Variants in CCSER1 observed in about 807,000 individuals in gnomAD.
The protein encoded by CCSER1 is coiled-coil serine rich protein 1.
A neutral mutation model predicts 82.0 loss-of-function variants in CCSER1; 41 were observed. That is an observed-to-expected ratio of 0.50 (90% CI 0.39 to 0.65). The LOEUF (loss-of-function observed/expected upper bound fraction) is 0.65, where lower values mean the gene tolerates loss of function less well. Ranked by LOEUF, CCSER1 falls within the 30% of genes least tolerant of loss-of-function variation. The pLI, the probability that CCSER1 is intolerant of heterozygous loss-of-function variation, is 0.00. For missense variants in CCSER1, 1,119 were observed against 1,064.2 expected, an observed-to-expected ratio of 1.05 and a Z score of -0.72; for synonymous variants, 414 against 383.9, an observed-to-expected ratio of 1.08 and a Z score of -0.92.
intron 6 of CCSER1, among the ~76,000 whole-genome samples, chr4:90,658,752 A>C (rs2149084361): frequency 6.6e-6 from 1 of 152,346 alleles, no homozygotes; most frequent in East Asian, 1.9e-4. Flanking sequence ...TGTGCGTGTA[A>C]AGAATCAATA....
chr4:90,181,831 C>A (rs553574305), intron 1 of CCSER1, among the ~76,000 whole-genome samples: 1 of 152,132 alleles, frequency 6.6e-6, no homozygotes, highest in Non-Finnish European at 1.5e-5. Flanking sequence ...GACTGAGGTG[C>A]CTTTATCTGT....
rs1017029245 is a variant in CCSER1 at position 91,257,424 on chromosome 4, C to T, written c.2217+171430C>T. Among the ~76,000 whole-genome samples, 13 of 151,242 alleles carry T rather than the reference C, an allele frequency of 8.6e-5. 1 individual carries two copies. The highest frequency in any genetic ancestry group is 1.5e-4 in the Non-Finnish European group (10 of 67,786). ...ATTTTAATATTCATGGTTTGACTTG[C>T]GTACTCTGTTTAAATTATGTGTATT... On this transcript the variant is annotated intron_variant, in intron 10 of 10. Coordinates refer to ENST00000509176, the MANE Select transcript of CCSER1 (RefSeq NM_001145065.2).
At chr4:90,651,536 T>C (rs1728740103) in intron 6 of CCSER1, among the ~76,000 whole-genome samples, 1 of 151,986 alleles carries the variant, frequency 6.6e-6, no homozygotes, top group Non-Finnish European at 1.5e-5. Flanking sequence ...CCGGGGTCTG[T>C]CAGGTGGTGG....
rs146959272 is a variant in CCSER1, at chr4:90,482,966, G to A, written c.1724+14612G>A. ...TTCATTGATCTGTCTGATGTTGACA[G>A]TGGGGTGTTAAAGTCTCCCATTACT... On this transcript the variant is annotated intron_variant, in intron 5 of 10. Coordinates refer to ENST00000509176, the MANE Select transcript of CCSER1 (RefSeq NM_001145065.2). Among the ~76,000 whole-genome samples the A allele has an allele frequency of 4.4e-3, 664 of 152,300 alleles. 6 individuals carry two copies. The highest frequency in any genetic ancestry group is 0.015 in the African/African-American group (644 of 41,552).
intron 7 of CCSER1, among the ~76,000 whole-genome samples, chr4:90,797,889 C>T (rs1254615124): frequency 1.3e-5 from 2 of 152,192 alleles, no homozygotes; most frequent in Non-Finnish European, 2.9e-5. Context: ...GCCTTTCTCT[C>T]TAGCTCCCTT....
chr4:91,042,473 A>G (rs144231339), intron 9 of CCSER1, among the ~76,000 whole-genome samples: 1 of 152,170 alleles, frequency 6.6e-6, no homozygotes, highest in Non-Finnish European at 1.5e-5. Context: ...TGCTTTTACA[A>G]AGTATTTTTT....
chr4:90,831,093 G>A (rs549724249), intron 8 of CCSER1, among the ~76,000 whole-genome samples: 1 of 152,116 alleles, frequency 6.6e-6, no homozygotes, highest in South Asian at 2.1e-4. Context: ...TATCTCATTA[G>A]CTAACAAGCA....
chr4:91,073,231 T>A (rs561524095), intron 9 of CCSER1, among the ~76,000 whole-genome samples: 4 of 152,112 alleles, frequency 2.6e-5, no homozygotes, highest in Non-Finnish European at 4.4e-5. Context: ...CAAATCATGA[T>A]AAACTCCATA....
intron 7 of CCSER1, among the ~76,000 whole-genome samples, chr4:90,791,544 T>G (rs904115619): frequency 6.6e-6 from 1 of 151,606 alleles, no homozygotes; most frequent in Non-Finnish European, 1.5e-5. Context: ...TAATAACATA[T>G]TTTTAAATAA....
At chr4:90,494,371 G>A (rs570008622) in intron 5 of CCSER1, among the ~76,000 whole-genome samples, 40 of 152,128 alleles carry the variant, frequency 2.6e-4, no homozygotes, top group African/African-American at 8.2e-4. Context: ...CAGAAAGTTA[G>A]CGAGGATATC....
chr4:90,605,950 G>A (rs750665517), intron 5 of CCSER1, among the ~76,000 whole-genome samples: 4 of 151,824 alleles, frequency 2.6e-5, no homozygotes, highest in Non-Finnish European at 4.4e-5. Context: ...TGCTTAAATT[G>A]ATACTTTTTA....
intron 5 of CCSER1, among the ~76,000 whole-genome samples, chr4:90,538,325 T>G (rs1775681649): frequency 6.6e-6 from 1 of 152,156 alleles, no homozygotes; most frequent in Non-Finnish European, 1.5e-5. Flanking sequence ...TTACATAGAA[T>G]TTAACTTTTA....
intron 10 of CCSER1, among the ~76,000 whole-genome samples, chr4:91,583,087 C>G (rs1025344653): frequency 1.3e-5 from 2 of 151,058 alleles, no homozygotes; most frequent in Non-Finnish European, 3.0e-5. Context: ...TGATAAATTT[C>G]TCACTTTTAT....
intron 10 of CCSER1, among the ~76,000 whole-genome samples, chr4:91,266,997 T>C (rs1002079492): frequency 2.0e-5 from 3 of 152,190 alleles, no homozygotes; most frequent in Admixed American, 6.5e-5. Context: ...CTTACTCAAA[T>C]ATAGTTGAGA....
chr4:90,360,232 TA>T (rs1312825202), intron 3 of CCSER1, among the ~76,000 whole-genome samples: 113 of 142,990 alleles, frequency 7.9e-4, no homozygotes, highest in Non-Finnish European at 1.3e-3. Flanking sequence ...ATTCTTATAA[TA>T]AAAAAACATC....
chr4:90,881,271 C>T (rs1403326820), intron 8 of CCSER1, among the ~76,000 whole-genome samples: 1 of 151,970 alleles, frequency 6.6e-6, no homozygotes, highest in Non-Finnish European at 1.5e-5. Flanking sequence ...AACATACACA[C>T]ACATGCAGGA....
At chr4:90,424,742 T>G (rs1757298322) in intron 4 of CCSER1, among the ~76,000 whole-genome samples, 1 of 152,222 alleles carries the variant, frequency 6.6e-6, no homozygotes, top group Non-Finnish European at 1.5e-5. Context: ...TTTCCTGATG[T>G]GCACATACAT....
chr4:91,418,482 T>C (rs1284638410), intron 10 of CCSER1, among the ~76,000 whole-genome samples: 1 of 150,936 alleles, frequency 6.6e-6, no homozygotes, highest in Non-Finnish European at 1.5e-5. Context: ...CCAAAAGAAA[T>C]GAATAAATTT....
intron 5 of CCSER1, among the ~76,000 whole-genome samples, chr4:90,558,191 T>C (rs943369399): frequency 6.6e-6 from 1 of 152,150 alleles, no homozygotes; most frequent in Non-Finnish European, 1.5e-5. Flanking sequence ...TGCTACTACA[T>C]GGTAGCAGTG....
Sources: allele counts gnomAD v4.1 joint callset (sites outside exome capture counted in the v4.1 genomes callset), GRCh38; gene constraint gnomAD v4.1.1; transcripts MANE v1.5; gene names NCBI Gene and HGNC (gene_info 2026-07-23, HGNC 2026-07-21).